GRIA4: variants seen among roughly 807,000 people sequenced by gnomAD.
The protein encoded by GRIA4 is glutamate receptor 4.
In GRIA4, 34 loss-of-function variants were observed where a neutral mutation model predicts 104.0. That is an observed-to-expected ratio of 0.33 (90% CI 0.25 to 0.44). The LOEUF (loss-of-function observed/expected upper bound fraction) is 0.44, where lower values mean the gene tolerates loss of function less well. Ranked by LOEUF, GRIA4 falls within the 20% of genes least tolerant of loss-of-function variation. The pLI, the probability that GRIA4 is intolerant of heterozygous loss-of-function variation, is 1.00. For synonymous variants in GRIA4, 386 were observed against 381.9 expected (o/e 1.01, Z -0.13); for missense variants, 750 against 1,096.5 (o/e 0.68, Z 4.46).
intron 3 of GRIA4, among the ~76,000 whole-genome samples, chr11:105,710,313 G>A (rs1478811576): frequency 6.6e-6 from 1 of 152,022 alleles, no homozygotes; most frequent in Non-Finnish European, 1.5e-5. Flanking sequence ...CTATCTCTTT[G>A]TAGATTAGTG....
chr11:105,714,254 C>CA (rs150688023), intron 3 of GRIA4, among the ~76,000 whole-genome samples: 148 of 148,822 alleles, frequency 9.9e-4, no homozygotes, highest in Admixed American at 1.5e-3. Flanking sequence ...TTTTGAAAAA[C>CA]AAAAAAAAAA....
intron 14 of GRIA4, among the ~76,000 whole-genome samples, chr11:105,942,053 C>A (rs1368678328): frequency 3.3e-5 from 5 of 151,984 alleles, no homozygotes; most frequent in Non-Finnish European, 7.4e-5. Context: ...TTGCTAGTGC[C>A]TTTAGCATAA....
intron 7 of GRIA4, 137 bp downstream of exon 7, chr11:105,898,564 C>A: frequency 1.6e-6 from 1 of 617,708 alleles, no homozygotes; most frequent in Non-Finnish European, 2.9e-6. Flanking sequence ...CTTATAACTG[C>A]CTTGCACATG....
Position 105,835,783 on chromosome 11 carries a change from A to G in GRIA4, c.488-26241A>G, listed in dbSNP as rs534481658. Among the ~76,000 whole-genome samples the G allele has an allele frequency of 5.9e-5, 9 of 152,250 alleles. No individual in the cohort carries two copies. The South Asian group carries it at 1.9e-3, about 32-fold the overall frequency. On this transcript the variant is annotated intron_variant, in intron 4 of 16. Coordinates refer to ENST00000282499, the MANE Select transcript of GRIA4 (RefSeq NM_000829.4). ...ATAGTTAAGAGAGTGATGTCATTAA[A>G]ATGGAGAGCTAGAAATAAAGTGGGT...
chr11:105,749,921 C>T (rs963742857), intron 3 of GRIA4, among the ~76,000 whole-genome samples: 2 of 152,096 alleles, frequency 1.3e-5, no homozygotes, highest in Non-Finnish European at 2.9e-5. Context: ...TATTTAGTGG[C>T]TAAGCATTAA....
intron 6 of GRIA4, among the ~76,000 whole-genome samples, chr11:105,895,405 G>T (rs1245837506): frequency 6.6e-6 from 1 of 151,694 alleles, no homozygotes; most frequent in African/African-American, 2.4e-5. Context: ...TTTTTATAAG[G>T]TACCTAAAAT....
chr11:105,846,428 A>AAT (rs1455399333), intron 4 of GRIA4, among the ~76,000 whole-genome samples: 2 of 152,174 alleles, frequency 1.3e-5, no homozygotes, highest in Non-Finnish European at 2.9e-5. Flanking sequence ...GAGGTGGCTT[A>AAT]ATATACAATG....
At chr11:105,658,900 A>G (rs1951923120) in intron 3 of GRIA4, among the ~76,000 whole-genome samples, 1 of 152,018 alleles carries the variant, frequency 6.6e-6, no homozygotes, top group Non-Finnish European at 1.5e-5. Flanking sequence ...TTCCAAGTCA[A>G]GATGACAGAC....
chr11:105,934,039 G>C, intron 14 of GRIA4, 70 bp downstream of exon 14: 1 of 1,261,118 alleles, frequency 7.9e-7, no homozygotes, highest in Non-Finnish European at 1.1e-6. Flanking sequence ...GTGCCTGAGA[G>C]AATTATTTTG....
chr11:105,630,457 T>C (rs1215590488), intron 3 of GRIA4, among the ~76,000 whole-genome samples: 1 of 151,918 alleles, frequency 6.6e-6, no homozygotes, highest in Non-Finnish European at 1.5e-5. Flanking sequence ...CCAGCTACTC[T>C]GGAGGCTGAG....
chr11:105,913,326 C>A, intron 10 of GRIA4: 1 of 616,240 alleles, frequency 1.6e-6, no homozygotes, highest in Non-Finnish European at 2.0e-6. Flanking sequence ...TTTCTTGTAA[C>A]AGTGTTGTAT....
chr11:105,818,696 G>C (rs1943469551), intron 4 of GRIA4, among the ~76,000 whole-genome samples: 1 of 152,014 alleles, frequency 6.6e-6, no homozygotes, highest in South Asian at 2.1e-4. Context: ...CTGTGCACTG[G>C]AGAGGGCATA....
intron 3 of GRIA4, among the ~76,000 whole-genome samples, chr11:105,668,102 CT>C (rs1952225097): frequency 6.6e-6 from 1 of 150,848 alleles, no homozygotes. Flanking sequence ...CAGTATTTGT[CT>C]TTCTGTTTCT....
At chr11:105,628,063 C>G (rs1298702530) in intron 3 of GRIA4, among the ~76,000 whole-genome samples, 1 of 151,628 alleles carries the variant, frequency 6.6e-6, no homozygotes, top group Admixed American at 6.6e-5. Flanking sequence ...GTACAATTAC[C>G]ATCATATATA....
At chr11:105,791,460 T>C (rs925750379) in intron 4 of GRIA4, among the ~76,000 whole-genome samples, 1 of 152,198 alleles carries the variant, frequency 6.6e-6, no homozygotes, top group Non-Finnish European at 1.5e-5. Flanking sequence ...TGAAAAATAT[T>C]ACAGATGCAT....
intron 3 of GRIA4, among the ~76,000 whole-genome samples, chr11:105,746,874 C>A (rs1430282745): frequency 1.3e-5 from 2 of 151,862 alleles, no homozygotes; most frequent in Non-Finnish European, 1.5e-5. Flanking sequence ...GGCCTTGAAC[C>A]AACAATCGGC....
intron 8 of GRIA4, among the ~76,000 whole-genome samples, chr11:105,904,468 C>T (rs951086561): frequency 6.6e-6 from 1 of 152,164 alleles, no homozygotes; most frequent in African/African-American, 2.4e-5. Context: ...ATGGGCCTAG[C>T]TAACCACAAG....
At chr11:105,913,071 A>T in intron 10 of GRIA4, 3 of 854,470 alleles carry the variant, frequency 3.5e-6, no homozygotes, top group African/African-American at 1.8e-5. Flanking sequence ...ACACTGTAAC[A>T]CTATATGCTA....
intron 3 of GRIA4, among the ~76,000 whole-genome samples, chr11:105,644,766 G>A (rs908570368): frequency 1.3e-5 from 2 of 152,094 alleles, no homozygotes; most frequent in South Asian, 4.1e-4. Context: ...CTGAGAGTTA[G>A]GAAATGATAG....
Sources: allele counts gnomAD v4.1 joint callset (sites outside exome capture counted in the v4.1 genomes callset), GRCh38; gene constraint gnomAD v4.1.1; transcripts MANE v1.5; gene names NCBI Gene and HGNC (gene_info 2026-07-23, HGNC 2026-07-21).